Variants in WFDC11 observed in about 807,000 individuals in gnomAD.
WFDC11 encodes WAP four-disulfide core domain 11.
In WFDC11, 9 loss-of-function variants were observed where a neutral mutation model predicts 9.9. That is an observed-to-expected ratio of 0.91 (90% CI 0.55 to 1.58). The LOEUF (loss-of-function observed/expected upper bound fraction) is 1.58. Among genes scored for constraint, WFDC11 ranks in the 40% most tolerant of loss-of-function variants. The pLI, the probability that WFDC11 is intolerant of heterozygous loss-of-function variation, is 0.00. For synonymous variants in WFDC11, 32 were observed against 33.3 expected (o/e 0.96, Z 0.13); for missense variants, 106 against 101.7 (o/e 1.04, Z -0.18).
Position 45,648,665 on chromosome 20 carries a change from C to A in WFDC11, c.*54G>T, listed in dbSNP as rs1360421373. The A allele has an allele frequency of 3.1e-6, 5 of 1,607,544 alleles. No individual in the cohort carries two copies. The highest frequency in any genetic ancestry group is 3.4e-6 in the Non-Finnish European group (4 of 1,174,324). On this transcript the variant is annotated 3_prime_UTR_variant, in exon 5 of 5. Transcript: ENST00000324384. ...TAGCCACAGGGTACTACTATGAGAC[C>A]TCTTAAACATTTCCCAGCCCACACA...
intron 2 of WFDC11, among the ~76,000 whole-genome samples, chr20:45,663,414 G>T (rs1983117141): frequency 6.6e-6 from 1 of 151,806 alleles, no homozygotes; most frequent in African/African-American, 2.4e-5. Flanking sequence ...GTTTTTTTGT[G>T]TCTCTAACTC....
At chr20:45,663,095 A>G (rs979730484) in intron 2 of WFDC11, among the ~76,000 whole-genome samples, 1 of 152,160 alleles carries the variant, frequency 6.6e-6, no homozygotes, top group African/African-American at 2.4e-5. Context: ...CCTCAATTTC[A>G]AAGCCTGTTA....
At chr20:45,667,569 G>A (rs1983212817) in intron 1 of WFDC11, among the ~76,000 whole-genome samples, 1 of 152,078 alleles carries the variant, frequency 6.6e-6, no homozygotes, top group Admixed American at 6.6e-5. Context: ...CACCTTATCA[G>A]CAATCTCTTG....
chr20:45,649,933 T>C (rs1982765352), intron 3 of WFDC11, among the ~76,000 whole-genome samples: 1 of 151,760 alleles, frequency 6.6e-6, no homozygotes, highest in South Asian at 2.1e-4. Flanking sequence ...TTAGCCCCTC[T>C]ATTCACCCCA....
intron 2 of WFDC11, among the ~76,000 whole-genome samples, chr20:45,665,032 C>A (rs145107842): frequency 4.0e-4 from 61 of 152,336 alleles, no homozygotes; most frequent in African/African-American, 1.4e-3. Flanking sequence ...TTCCATTCTT[C>A]TCATCACTTT....
intron 1 of WFDC11, among the ~76,000 whole-genome samples, chr20:45,669,587 CAAAATT>C (rs1983256308): frequency 6.6e-6 from 1 of 152,022 alleles, no homozygotes; most frequent in African/African-American, 2.4e-5. Flanking sequence ...TGGTAAACAA[CAAAATT>C]AAGACAGAAA....
intron 2 of WFDC11, among the ~76,000 whole-genome samples, chr20:45,655,931 A>G (rs1982920691): frequency 6.6e-6 from 1 of 152,220 alleles, no homozygotes; most frequent in African/African-American, 2.4e-5. Context: ...ATGAAATAAA[A>G]GAGGATACAA....
At chr20:45,649,500 C>T (rs1982755608) in intron 3 of WFDC11, 101 bp from the exon 4 acceptor site, 10 of 1,421,246 alleles carry the variant, frequency 7.0e-6, no homozygotes, top group Non-Finnish European at 9.5e-6. Flanking sequence ...GGAATCTGGG[C>T]CCCAAATTCC....
intron 2 of WFDC11, among the ~76,000 whole-genome samples, chr20:45,660,673 T>G (rs1039561736): frequency 2.6e-5 from 4 of 152,192 alleles, no homozygotes; most frequent in African/African-American, 9.7e-5. Flanking sequence ...GTGTTTGGTT[T>G]TTTTGTTCTT....
intron 2 of WFDC11, among the ~76,000 whole-genome samples, chr20:45,661,445 G>C (rs372576659): frequency 6.6e-6 from 1 of 151,940 alleles, no homozygotes; most frequent in African/African-American, 2.4e-5. Context: ...GTCAATTTTG[G>C]CTTTTGTTGC....
intron 2 of WFDC11, among the ~76,000 whole-genome samples, chr20:45,652,391 A>G (rs892904555): frequency 3.3e-5 from 5 of 152,186 alleles, no homozygotes; most frequent in Non-Finnish European, 7.4e-5. Context: ...TAGAAGGAAA[A>G]CTAACAAACA....
intron 2 of WFDC11, among the ~76,000 whole-genome samples, chr20:45,651,257 G>T (rs959078534): frequency 6.6e-6 from 1 of 152,184 alleles, no homozygotes; most frequent in Non-Finnish European, 1.5e-5. Flanking sequence ...CATATATATA[G>T]AGAGGGTCCT....
At chr20:45,652,189 G>A (rs1002827672) in intron 2 of WFDC11, among the ~76,000 whole-genome samples, 1 of 152,202 alleles carries the variant, frequency 6.6e-6, no homozygotes, top group Admixed American at 6.5e-5. Context: ...CTCCCCAGTA[G>A]GGCAGACTGA....
chr20:45,661,255 T>G lies in WFDC11; in HGVS notation c.-52+5833A>C, dbSNP rs6130884. On this transcript the variant is annotated intron_variant, in intron 2 of 4. Transcript: ENST00000324384. Reference sequence around the variant, plus strand: ...TGTTCATGTCCTTCACCCACTTTTTTATGGGGTTGTTTGTTTTTTTCTTGT... The same window carrying G: ...TGTTCATGTCCTTCACCCACTTTTTGATGGGGTTGTTTGTTTTTTTCTTGT... Among the ~76,000 whole-genome samples the G allele has an allele frequency of 2.8e-4, 42 of 151,666 alleles. No individual in the cohort carries two copies. In the East Asian group the frequency reaches 5.3e-3, roughly 19 times the overall value.
intron 2 of WFDC11, among the ~76,000 whole-genome samples, chr20:45,655,666 T>C (rs1185511168): frequency 6.6e-6 from 1 of 152,224 alleles, no homozygotes. Flanking sequence ...GATGACATGA[T>C]TGTATATCTA....
At chr20:45,649,700 C>T (rs1040308876) in intron 3 of WFDC11, among the ~76,000 whole-genome samples, 2 of 152,134 alleles carry the variant, frequency 1.3e-5, no homozygotes, top group African/African-American at 4.8e-5. Flanking sequence ...TCAGTCAACC[C>T]GGAGCATTCA....
intron 2 of WFDC11, among the ~76,000 whole-genome samples, chr20:45,656,817 A>C (rs1405531362): frequency 1.3e-5 from 2 of 152,378 alleles, no homozygotes; most frequent in East Asian, 3.9e-4. Context: ...ATGCAGCCAA[A>C]AGACACATGA....
intron 2 of WFDC11, among the ~76,000 whole-genome samples, chr20:45,656,094 A>G (rs1221278852): frequency 2.0e-5 from 3 of 152,064 alleles, no homozygotes; most frequent in Non-Finnish European, 4.4e-5. Flanking sequence ...TTTAAAGTTC[A>G]TATGGAACCA....
intron 2 of WFDC11, among the ~76,000 whole-genome samples, chr20:45,661,994 T>A (rs1486876673): frequency 6.6e-6 from 1 of 152,238 alleles, no homozygotes; most frequent in Non-Finnish European, 1.5e-5. Flanking sequence ...ATTGAATCTA[T>A]AAATTACCTT....
Sources: allele counts gnomAD v4.1 joint callset (sites outside exome capture counted in the v4.1 genomes callset), GRCh38; gene constraint gnomAD v4.1.1; transcripts MANE v1.5; gene names NCBI Gene and HGNC (gene_info 2026-07-23, HGNC 2026-07-21).